Variants in FHIT observed in about 807,000 individuals in gnomAD.
FHIT encodes the protein bis(5'-adenosyl)-triphosphatase.
FHIT carries 19 observed loss-of-function variants against 17.9 expected under a neutral mutation model. The ratio of observed to expected loss-of-function variants is 1.06; its 90% confidence interval spans 0.74 to 1.56. The LOEUF (loss-of-function observed/expected upper bound fraction) is 1.56. Among genes scored for constraint, FHIT ranks in the 40% most tolerant of loss-of-function variants. The pLI, the probability that FHIT is intolerant of heterozygous loss-of-function variation, is 0.00. For synonymous variants in FHIT, 81 were observed against 69.7 expected, an observed-to-expected ratio of 1.16 and a Z score of -0.81; for missense variants, 248 against 189.2, an observed-to-expected ratio of 1.31 and a Z score of -1.82.
chr3:59,998,512 C>T (rs569939226), intron 7 of FHIT, among the ~76,000 whole-genome samples: 2 of 152,162 alleles, frequency 1.3e-5, no homozygotes, highest in Admixed American at 1.3e-4. Flanking sequence ...GGGAGGACCT[C>T]GTGTTCTTTA....
At chr3:60,222,777 T>C (rs1489574836) in intron 5 of FHIT, among the ~76,000 whole-genome samples, 1 of 152,166 alleles carries the variant, frequency 6.6e-6, no homozygotes, top group Non-Finnish European at 1.5e-5. Context: ...GGCACACGCC[T>C]GTAATCCCAG....
intron 5 of FHIT, among the ~76,000 whole-genome samples, chr3:60,433,253 T>C (rs1288398572): frequency 3.9e-5 from 6 of 152,120 alleles, no homozygotes; most frequent in Admixed American, 1.3e-4. Flanking sequence ...AGGTGAATAA[T>C]GTTCATATAT....
chr3:59,805,296 C>A (rs1470430111), intron 8 of FHIT, among the ~76,000 whole-genome samples: 1 of 152,192 alleles, frequency 6.6e-6, no homozygotes, highest in Non-Finnish European at 1.5e-5. Flanking sequence ...TTAATGCAAT[C>A]TGCATTTTAA....
At chr3:60,761,804 A>G (rs1308492149) in intron 4 of FHIT, among the ~76,000 whole-genome samples, 2 of 152,028 alleles carry the variant, frequency 1.3e-5, no homozygotes, top group Non-Finnish European at 2.9e-5. Flanking sequence ...ATAATATACC[A>G]GCTATCCGAA....
At chr3:60,349,012 T>C (rs957673104) in intron 5 of FHIT, among the ~76,000 whole-genome samples, 1 of 152,166 alleles carries the variant, frequency 6.6e-6, no homozygotes, top group African/African-American at 2.4e-5. Flanking sequence ...ATAAGAGAAA[T>C]AAACATGTGT....
intron 3 of FHIT, among the ~76,000 whole-genome samples, chr3:60,860,225 A>G (rs1247437041): frequency 6.9e-6 from 1 of 145,882 alleles, no homozygotes; most frequent in African/African-American, 2.6e-5. Context: ...CATGAGATAC[A>G]TCATATGTAT....
intron 4 of FHIT, among the ~76,000 whole-genome samples, chr3:60,548,141 G>T (rs1324713482): frequency 5.3e-4 from 1 of 1,878 alleles, no homozygotes; most frequent in Non-Finnish European, 1.0e-3. Context: ...GAGAGAGAGA[G>T]AGCGAGAGAG....
At chr3:60,409,500 A>G (rs546653719) in intron 5 of FHIT, among the ~76,000 whole-genome samples, 1 of 152,294 alleles carries the variant, frequency 6.6e-6, no homozygotes, top group East Asian at 1.9e-4. Flanking sequence ...TGGACTCTGG[A>G]TATTTATAGC....
At chr3:60,603,633 T>C (rs1411123729) in intron 4 of FHIT, among the ~76,000 whole-genome samples, 7 of 152,166 alleles carry the variant, frequency 4.6e-5, no homozygotes, top group African/African-American at 1.7e-4. Context: ...AAGGAATACA[T>C]GAAATATAAC....
intron 1 of FHIT, among the ~76,000 whole-genome samples, chr3:61,215,006 C>A (rs1179244671): frequency 6.6e-6 from 1 of 151,326 alleles, no homozygotes. Flanking sequence ...TGGGACATAT[C>A]TCAAAATAAT....
At chr3:61,006,831 T>C (rs1222769053) in intron 3 of FHIT, among the ~76,000 whole-genome samples, 1 of 152,148 alleles carries the variant, frequency 6.6e-6, no homozygotes, top group East Asian at 1.9e-4. Flanking sequence ...CATGGCTAAG[T>C]TCAAAAACTT....
At chr3:59,899,719 G>T (rs761540329) in intron 8 of FHIT, among the ~76,000 whole-genome samples, 1 of 151,982 alleles carries the variant, frequency 6.6e-6, no homozygotes, top group African/African-American at 2.4e-5. Context: ...GGCAGCATAC[G>T]CCTGTAGTCC....
At chr3:60,846,905 C>T (rs1377225138) in intron 3 of FHIT, among the ~76,000 whole-genome samples, 1 of 151,996 alleles carries the variant, frequency 6.6e-6, no homozygotes. Flanking sequence ...CTCACTGCAA[C>T]CTCCGCCTCC....
At chr3:60,499,516 C>G (rs563901807) in intron 5 of FHIT, among the ~76,000 whole-genome samples, 34 of 152,174 alleles carry the variant, frequency 2.2e-4, no homozygotes, top group African/African-American at 7.7e-4. Context: ...CTCAGCCTCC[C>G]GAGTAGCTGG....
rs552960436 is a variant in FHIT at position 60,152,305 on chromosome 3, A to G, written c.104-138153T>C. The stretch of plus-strand genomic sequence containing the variant: ...CATGCACACATGTATGTACACACAT[A>G]AACTACTCTGATCTCTCATGTCTTC... On this transcript the variant is annotated intron_variant, in intron 5 of 9. Coordinates refer to ENST00000492590, the MANE Select transcript of FHIT (RefSeq NM_002012.4). 2.0e-5 allele frequency among the ~76,000 whole-genome samples: 3 copies of G among 152,332 alleles called. No homozygotes were observed. The East Asian group carries it at 5.8e-4, about 29-fold the overall frequency.
In FHIT at chr3:60,838,777, CAT is replaced by C. The variant is rs1255680520; in HGVS notation, c.-110-16768_-110-16767del. Among the ~76,000 whole-genome samples, 4 of 152,148 alleles carry C rather than the reference CAT, an allele frequency of 2.6e-5. No individual in the cohort carries two copies. The East Asian group carries it at 5.8e-4, about 22-fold the overall frequency. ...AACTGATTCTGGCAGAAAAAATAAACATGTGAAAAATAATTACAATAATGTGT... is the reference window on the plus strand; with the variant it reads ...AACTGATTCTGGCAGAAAAAATAAACGTGAAAAATAATTACAATAATGTGT... On this transcript the variant is annotated intron_variant, in intron 3 of 9. Coordinates refer to ENST00000492590, the MANE Select transcript of FHIT (RefSeq NM_002012.4).
chr3:61,238,549 CAA>C (rs2106907964), intron 1 of FHIT, among the ~76,000 whole-genome samples: 1 of 152,234 alleles, frequency 6.6e-6, no homozygotes, highest in African/African-American at 2.4e-5. Flanking sequence ...AAGAAGGAAG[CAA>C]AAGACACAGG....
In FHIT at chr3:61,121,230, G is replaced by A. The variant is rs560825989; in HGVS notation, c.-163-79131C>T. Among the ~76,000 whole-genome samples, 3 of 152,210 alleles carry A rather than the reference G, an allele frequency of 2.0e-5. No individual in the cohort carries two copies. The South Asian group carries it at 6.2e-4, about 32-fold the overall frequency. ...CAAGGCAGGTCAACATTCAAATTCAGGAAATACAGAGAACGCCACAAATAT... is the reference window on the plus strand; with the variant it reads ...CAAGGCAGGTCAACATTCAAATTCAAGAAATACAGAGAACGCCACAAATAT... On this transcript the variant is annotated intron_variant, in intron 2 of 9. Coordinates refer to ENST00000492590, the MANE Select transcript of FHIT (RefSeq NM_002012.4).
At chr3:60,980,859 A>G (rs1236368269) in intron 3 of FHIT, among the ~76,000 whole-genome samples, 1 of 152,190 alleles carries the variant, frequency 6.6e-6, no homozygotes, top group African/African-American at 2.4e-5. Flanking sequence ...ACATAAATTT[A>G]AGCATACTAC....
Sources: gnomAD v4.1 joint callset for allele counts (sites outside exome capture counted in the v4.1 genomes callset) on GRCh38, gnomAD v4.1.1 for gene constraint, MANE v1.5 for transcripts, NCBI Gene and HGNC (gene_info 2026-07-23, HGNC 2026-07-21) for gene names.